The following CDC40 variants were observed in gnomAD, a reference collection of about 807,000 sequenced individuals.
CDC40 encodes the protein cell division cycle 40, also known as pre-mRNA-processing factor 17.
In CDC40, 27 loss-of-function variants were observed where a neutral mutation model predicts 80.6. The observed-to-expected ratio is 0.33, with a 90% CI of 0.25 to 0.46. The LOEUF (loss-of-function observed/expected upper bound fraction) is 0.46. Among genes scored for constraint, CDC40 ranks in the 20% least tolerant of loss-of-function variants. The pLI is 1.00. For missense variants in CDC40, 486 were observed against 694.1 expected (o/e 0.70, Z 3.37); for synonymous variants, 221 against 232.6 (o/e 0.95, Z 0.45).
intron 3 of CDC40, among the ~76,000 whole-genome samples, chr6:110,205,107 C>T (rs1777546577): frequency 6.6e-6 from 1 of 152,068 alleles, no homozygotes; most frequent in Non-Finnish European, 1.5e-5. Flanking sequence ...TATGACCATT[C>T]TTTTGCAAAT....
At chr6:110,209,796 T>C (rs1189380155) in intron 5 of CDC40, among the ~76,000 whole-genome samples, 2 of 152,192 alleles carry the variant, frequency 1.3e-5, no homozygotes, top group African/African-American at 4.8e-5. Context: ...AAGCTTATAT[T>C]CTAGCTGTTA....
intron 1 of CDC40, among the ~76,000 whole-genome samples, chr6:110,185,241 C>CTTTTTTT (rs1227694611): frequency 1.6e-5 from 2 of 124,032 alleles, no homozygotes; most frequent in African/African-American, 3.2e-5. Flanking sequence ...ATCTTTTTTT[C>CTTTTTTT]TTTTTTTTTT....
Position 110,228,757 on chromosome 6 carries a change from G to T in CDC40, c.1418-75G>T, listed in dbSNP as rs2114675722. ...GAGCAAAACTTATATTAATCACAGT[G>T]AACATATTTAAAATAAAAAGTTTTA... On this transcript the variant is annotated intron_variant, in intron 13 of 14. Transcript: ENST00000307731. The T allele has an allele frequency of 8.8e-6, 10 of 1,136,812 alleles. 1 individual carries two copies. In the South Asian group the frequency reaches 1.7e-4, roughly 19 times the overall value. 70.4% of individuals were successfully genotyped at this position (1,136,812 alleles called of 1,614,324 possible).
chr6:110,214,090 G>C (rs1308579496), intron 8 of CDC40, among the ~76,000 whole-genome samples: 3 of 151,982 alleles, frequency 2.0e-5, no homozygotes, highest in Non-Finnish European at 4.4e-5. Context: ...AATAAAAAAG[G>C]CCACTTTTTT....
chr6:110,212,292 CT>C lies in CDC40; in HGVS notation c.867+21del. 2 of 1,612,172 alleles carry C rather than the reference CT, an allele frequency of 1.2e-6. No individual in the cohort carries two copies. Among genetic ancestry groups the C allele is most frequent in the Non-Finnish European group, 1.7e-6 (2 of 1,179,032 alleles). On this transcript the variant is annotated intron_variant, in intron 7 of 14. Coordinates refer to ENST00000307731, the MANE Select transcript of CDC40 (RefSeq NM_015891.3). ...ACAAAGGTAAGCAAGTTGGTTGTTT[CT>C]GTTTGCTGTAATGTTATAATAATGA...
chr6:110,182,656 C>T (rs1253020076), intron 1 of CDC40, among the ~76,000 whole-genome samples: 1 of 152,196 alleles, frequency 6.6e-6, no homozygotes, highest in East Asian at 1.9e-4. Flanking sequence ...CCTTATTTCT[C>T]CCAGGAGTTA....
At chr6:110,187,776 C>T (rs1005865314) in intron 1 of CDC40, among the ~76,000 whole-genome samples, 1 of 152,154 alleles carries the variant, frequency 6.6e-6, no homozygotes, top group Non-Finnish European at 1.5e-5. Context: ...TACTTTGAAT[C>T]AACAAAAAGA....
chr6:110,201,515 G>A (rs1449655324), intron 2 of CDC40, 43 bp from the exon 3 acceptor site: 1 of 1,474,382 alleles, frequency 6.8e-7, no homozygotes, highest in East Asian at 2.5e-5. Context: ...GAACTTTTGT[G>A]TCTTTCTTAT....
At chr6:110,215,487 A>C (rs745703421) in intron 9 of CDC40, among the ~76,000 whole-genome samples, 156 bp downstream of exon 9, 7 of 152,170 alleles carry the variant, frequency 4.6e-5, no homozygotes, top group Non-Finnish European at 8.8e-5. Flanking sequence ...TTAGACAAAG[A>C]AAGAGAACTA....
chr6:110,207,314 CAAAA>C (rs869177206), intron 3 of CDC40, among the ~76,000 whole-genome samples, 188 bp from the exon 4 acceptor site: 1 of 52,526 alleles, frequency 1.9e-5, no homozygotes, highest in Non-Finnish European at 4.4e-5. Flanking sequence ...GACCCTATCT[CAAAA>C]AAAAAAAAAA....
chr6:110,199,390 C>T (rs1283702870), intron 2 of CDC40, among the ~76,000 whole-genome samples: 2 of 151,462 alleles, frequency 1.3e-5, no homozygotes, highest in Non-Finnish European at 1.5e-5. Flanking sequence ...GTCAGGAGAT[C>T]GAGACCATCC....
intron 12 of CDC40, chr6:110,224,232 C>G (rs1162096076): frequency 6.6e-6 from 1 of 152,062 alleles, no homozygotes; most frequent in East Asian, 1.9e-4. Context: ...GAAGTTGACA[C>G]TACTGTTTAT....
intron 2 of CDC40, among the ~76,000 whole-genome samples, chr6:110,200,390 A>T (rs887580098): frequency 1.3e-5 from 2 of 152,160 alleles, no homozygotes; most frequent in African/African-American, 4.8e-5. Context: ...TTCTAATGGT[A>T]ATGACCTACA....
chr6:110,207,550 A>G lies in CDC40; in HGVS notation c.451A>G (p.Lys151Glu). ...PSLDNHQVSA[K>E]YIGSVEEAEK... is the part of the protein sequence containing the mutation. The stretch of plus-strand genomic sequence containing the variant: ...ATTAGATAATCATCAAGTGTCTGCT[A>G]AATATATTGGTTCTGTAGAAGAAGC... The change falls in exon 4 of 15, where the codon AAA (lysine) becomes GAA (glutamate). Residue 151 changes from lysine (K) to glutamate (E), a missense_variant. Lys to Glu is a moderately conservative substitution (Grantham distance 56). Transcript: ENST00000307731. The G allele has an allele frequency of 6.2e-7, 1 of 1,604,638 alleles. No individual in the cohort carries two copies. The highest frequency in any genetic ancestry group is 8.5e-7 in the Non-Finnish European group (1 of 1,171,822).
chr6:110,181,300 A>G (rs1777186768), intron 1 of CDC40, among the ~76,000 whole-genome samples: 1 of 152,214 alleles, frequency 6.6e-6, no homozygotes. Flanking sequence ...ATAAGGCAAG[A>G]GTTTCCAGGC....
intron 6 of CDC40, chr6:110,211,905 C>G: frequency 2.2e-6 from 1 of 461,740 alleles, no homozygotes; most frequent in Non-Finnish European, 3.9e-6. Flanking sequence ...GGTCTATAAT[C>G]TCTGGATATT....
intron 3 of CDC40, 133 bp downstream of exon 3, chr6:110,201,820 A>G: frequency 3.5e-6 from 2 of 569,112 alleles, no homozygotes; most frequent in Admixed American, 5.7e-5. Context: ...GCCTTCCTAT[A>G]CATATCCTTA....
chr6:110,202,690 T>G (rs1257762511), intron 3 of CDC40, among the ~76,000 whole-genome samples: 1 of 152,184 alleles, frequency 6.6e-6, no homozygotes, highest in Non-Finnish European at 1.5e-5. Context: ...TTTTTTTGTT[T>G]GTTTGTTTGT....
chr6:110,180,965 A>G (rs1027430337), intron 1 of CDC40, among the ~76,000 whole-genome samples: 4 of 152,182 alleles, frequency 2.6e-5, no homozygotes, highest in Admixed American at 6.5e-5. Flanking sequence ...TTCCCAAACT[A>G]GAGTATTGTG....
Sources: allele counts gnomAD v4.1 joint callset (sites outside exome capture counted in the v4.1 genomes callset), GRCh38; gene constraint gnomAD v4.1.1; transcripts MANE v1.5; gene names NCBI Gene and HGNC (gene_info 2026-07-23, HGNC 2026-07-21).